The following RALGAPA2 variants were observed in gnomAD, a reference collection of about 807,000 sequenced individuals.
RALGAPA2 encodes the protein ral GTPase-activating protein subunit alpha-2.
Under a neutral mutation model 230.4 loss-of-function variants are expected in RALGAPA2, and 139 were observed. The ratio of observed to expected loss-of-function variants is 0.60; its 90% CI spans 0.53 to 0.69. RALGAPA2 has a LOEUF of 0.69. Among genes scored for constraint, RALGAPA2 ranks in the 30% least tolerant of loss-of-function variants. The pLI, the probability that RALGAPA2 is intolerant of heterozygous loss-of-function variation, is 0.00. For missense variants in RALGAPA2, 2,163 were observed against 2,276.0 expected (o/e 0.95, Z 1.01); for synonymous variants, 847 against 837.8 (o/e 1.01, Z -0.19).
intron 35 of RALGAPA2, among the ~76,000 whole-genome samples, chr20:20,501,032 G>T (rs946791833): frequency 4.6e-5 from 7 of 152,150 alleles, no homozygotes; most frequent in African/African-American, 2.4e-5. Context: ...CTAAACAGAC[G>T]TGCTGTCATC....
At chr20:20,687,987 G>C (rs147285150) in intron 1 of RALGAPA2, among the ~76,000 whole-genome samples, 1 of 152,142 alleles carries the variant, frequency 6.6e-6, no homozygotes, top group Non-Finnish European at 1.5e-5. Flanking sequence ...CCTCCTATGC[G>C]TGCAGTAATG....
intron 3 of RALGAPA2, among the ~76,000 whole-genome samples, chr20:20,658,424 C>T (rs2146650218): frequency 6.6e-6 from 1 of 152,318 alleles, no homozygotes; most frequent in Non-Finnish European, 1.5e-5. Context: ...GGCATTTCTT[C>T]TACTGCAGCC....
chr20:20,547,192 T>C (rs1157573429), intron 23 of RALGAPA2, among the ~76,000 whole-genome samples: 1 of 152,260 alleles, frequency 6.6e-6, no homozygotes, highest in African/African-American at 2.4e-5. Flanking sequence ...ACAAATGTCC[T>C]GTCTTTAGCT....
In RALGAPA2 at chr20:20,412,210, A is replaced by G; in HGVS notation, c.5496-62T>C. 3.8e-6 allele frequency: 6 copies of G among 1,597,964 alleles called. No individual in the cohort carries two copies. The Admixed American group carries it at 1.0e-4, about 27-fold the overall frequency. ...AAGTGGCATGCAGAGCAGTGACAGA[A>G]TTCACTTTTAATACCGTTGTGCAAT... On this transcript the variant is annotated intron_variant, in intron 37 of 39. Transcript: ENST00000202677.
chr20:20,557,031 C>T (rs899695617), intron 23 of RALGAPA2, among the ~76,000 whole-genome samples: 4 of 152,172 alleles, frequency 2.6e-5, no homozygotes, highest in Admixed American at 6.5e-5. Flanking sequence ...GATGGGCGGC[C>T]GAGCGTGATG....
At chr20:20,636,574 G>C (rs1455982080) in intron 8 of RALGAPA2, among the ~76,000 whole-genome samples, 1 of 152,122 alleles carries the variant, frequency 6.6e-6, no homozygotes, top group East Asian at 1.9e-4. Context: ...GTGTGTGTGT[G>C]TGTGTGTGTA....
At chr20:20,479,757 AC>A (rs1241793053) in intron 36 of RALGAPA2, among the ~76,000 whole-genome samples, 2 of 152,252 alleles carry the variant, frequency 1.3e-5, no homozygotes, top group African/African-American at 4.8e-5. Flanking sequence ...CAACATTTGC[AC>A]TGGAGATCCT....
chr20:20,576,153 AAT>A (rs1441266385), intron 20 of RALGAPA2, among the ~76,000 whole-genome samples: 3 of 152,142 alleles, frequency 2.0e-5, no homozygotes, highest in African/African-American at 7.2e-5. Flanking sequence ...TTGTGACAAT[AAT>A]ATAGTTTCCA....
intron 16 of RALGAPA2, among the ~76,000 whole-genome samples, chr20:20,596,109 T>C (rs1210500036): frequency 1.3e-5 from 2 of 152,212 alleles, no homozygotes; most frequent in East Asian, 1.9e-4. Flanking sequence ...TTCATATTAA[T>C]GGAAACAGGT....
intron 3 of RALGAPA2, among the ~76,000 whole-genome samples, chr20:20,670,691 T>C (rs2146747513): frequency 6.6e-6 from 1 of 150,694 alleles, no homozygotes; most frequent in South Asian, 2.1e-4. Context: ...CTCATGCCTG[T>C]AATCCCAGCA....
intron 37 of RALGAPA2, among the ~76,000 whole-genome samples, chr20:20,423,572 G>A (rs371705770): frequency 4.8e-4 from 73 of 152,306 alleles, no homozygotes; most frequent in African/African-American, 1.6e-3. Context: ...GGCTCAGGTC[G>A]CATTTAATAA....
intron 3 of RALGAPA2, among the ~76,000 whole-genome samples, chr20:20,673,121 C>T (rs1460608535): frequency 1.3e-5 from 2 of 151,438 alleles, no homozygotes; most frequent in Non-Finnish European, 2.9e-5. Context: ...GGAGGCGGAG[C>T]TTGCAGTGAG....
At chr20:20,433,484 G>A (rs2060540712) in intron 37 of RALGAPA2, among the ~76,000 whole-genome samples, 1 of 152,224 alleles carries the variant, frequency 6.6e-6, no homozygotes, top group African/African-American at 2.4e-5. Context: ...GCTAGCCTGT[G>A]AGAAAACAGG....
chr20:20,624,328 CAAAAAAAAAA>C (rs748683871), intron 10 of RALGAPA2, among the ~76,000 whole-genome samples: 11 of 49,158 alleles, frequency 2.2e-4, no homozygotes, highest in East Asian at 1.4e-3. Context: ...ACTCCATCTC[CAAAAAAAAAA>C]AAAAAAAAAA....
At chr20:20,638,761 C>A (rs2066938157) in intron 7 of RALGAPA2, among the ~76,000 whole-genome samples, 2 of 152,140 alleles carry the variant, frequency 1.3e-5, no homozygotes, top group Admixed American at 6.5e-5. Context: ...AAAGCATGCC[C>A]CAGTCAGGTT....
At chr20:20,441,906 G>T (rs1352953605) in intron 37 of RALGAPA2, among the ~76,000 whole-genome samples, 2 of 151,990 alleles carry the variant, frequency 1.3e-5, no homozygotes, top group Non-Finnish European at 2.9e-5. Flanking sequence ...AGCCAAGAAA[G>T]AAATTCTATT....
chr20:20,619,420 G>A lies in RALGAPA2; in HGVS notation c.1402-6C>T. ...CCAGAACTTTCAGATGAGGCCTTCA[G>A]AAGATAATGATCCATTAACAGAGTG... On this transcript the variant is annotated splice_polypyrimidine_tract_variant and splice_region_variant and intron_variant, in intron 11 of 39. Coordinates refer to ENST00000202677, the MANE Select transcript of RALGAPA2 (RefSeq NM_020343.4). The A allele has an allele frequency of 6.3e-7, 1 of 1,592,182 alleles. No individual in the cohort carries two copies. The highest frequency in any genetic ancestry group is 8.6e-7 in the Non-Finnish European group (1 of 1,166,922).
At chr20:20,476,164 T>C (rs935861017) in intron 36 of RALGAPA2, among the ~76,000 whole-genome samples, 34 of 152,116 alleles carry the variant, frequency 2.2e-4, no homozygotes, top group Non-Finnish European at 1.3e-4. Context: ...CATTAAGCTA[T>C]AGATTCAACA....
At chr20:20,474,296 G>T (rs905091690) in intron 36 of RALGAPA2, among the ~76,000 whole-genome samples, 1 of 152,212 alleles carries the variant, frequency 6.6e-6, no homozygotes, top group African/African-American at 2.4e-5. Flanking sequence ...CTGGGGCCAA[G>T]CGAGAAAAAG....
Sources: gnomAD v4.1 joint callset for allele counts (sites outside exome capture counted in the v4.1 genomes callset) on GRCh38, gnomAD v4.1.1 for gene constraint, MANE v1.5 for transcripts, NCBI Gene and HGNC (gene_info 2026-07-23, HGNC 2026-07-21) for gene names.